LRRC7: variants seen among roughly 807,000 people sequenced by gnomAD.
LRRC7 encodes the protein leucine rich repeat containing 7, also known as leucine-rich repeat-containing protein 7.
A neutral mutation model predicts 175.7 loss-of-function variants in LRRC7; 23 were observed. The observed-to-expected ratio is 0.13, with a 90% CI of 0.09 to 0.19. The LOEUF (loss-of-function observed/expected upper bound fraction) is 0.19. Among genes scored for constraint, LRRC7 ranks in the 10% least tolerant of loss-of-function variants. The probability of loss-of-function intolerance (pLI) is 1.00; values close to 1 mark genes in which losing one functional copy is unlikely to be tolerated. For missense variants in LRRC7, 1,354 were observed against 1,904.7 expected (o/e 0.71, Z 5.38); for synonymous variants, 685 against 680.9 (o/e 1.01, Z -0.09).
chr1:69,882,502 T>A (rs1158803685), intron 7 of LRRC7, among the ~76,000 whole-genome samples: 1 of 152,154 alleles, frequency 6.6e-6, no homozygotes, highest in Non-Finnish European at 1.5e-5. Context: ...GCATTATATA[T>A]GTACATACCT....
chr1:70,024,472 A>C (rs1348214760), intron 17 of LRRC7, among the ~76,000 whole-genome samples: 1 of 151,972 alleles, frequency 6.6e-6, no homozygotes, highest in Non-Finnish European at 1.5e-5. Context: ...GATACAAAGA[A>C]TGTTGCGAAA....
chr1:70,088,658 G>T (rs188400260), intron 24 of LRRC7, among the ~76,000 whole-genome samples: 1 of 152,014 alleles, frequency 6.6e-6, no homozygotes, highest in East Asian at 1.9e-4. Context: ...TCAATTATTT[G>T]GGATCACCCT....
intron 1 of LRRC7, among the ~76,000 whole-genome samples, chr1:69,624,018 G>A (rs1301399502): frequency 2.6e-5 from 4 of 151,998 alleles, no homozygotes; most frequent in Non-Finnish European, 5.9e-5. Flanking sequence ...GTGTACATGT[G>A]CACACATTTC....
chr1:69,688,146 A>G (rs1038676764), intron 2 of LRRC7, among the ~76,000 whole-genome samples: 5 of 152,248 alleles, frequency 3.3e-5, no homozygotes, highest in African/African-American at 1.2e-4. Flanking sequence ...ACATGTGCCA[A>G]TGAATCTGGG....
At chr1:69,648,585 C>T (rs1655335746) in intron 1 of LRRC7, among the ~76,000 whole-genome samples, 1 of 152,196 alleles carries the variant, frequency 6.6e-6, no homozygotes, top group Non-Finnish European at 1.5e-5. Context: ...GCAGCAGCTA[C>T]ATATCCTCCA....
intron 21 of LRRC7, among the ~76,000 whole-genome samples, chr1:70,040,482 G>GTA (rs1659783122): frequency 6.6e-6 from 1 of 152,114 alleles, no homozygotes; most frequent in African/African-American, 2.4e-5. Flanking sequence ...AAATTAGTAT[G>GTA]TATATTGCAG....
intron 7 of LRRC7, among the ~76,000 whole-genome samples, chr1:69,906,503 T>G (rs1328780845): frequency 1.3e-5 from 2 of 152,202 alleles, no homozygotes; most frequent in Non-Finnish European, 2.9e-5. Context: ...CCAGCACCAT[T>G]TATTAAACAG....
At chr1:69,937,654 A>G (rs1415196277) in intron 8 of LRRC7, among the ~76,000 whole-genome samples, 2 of 152,042 alleles carry the variant, frequency 1.3e-5, no homozygotes, top group East Asian at 1.9e-4. Context: ...TTGGAAAATT[A>G]TCAGCCCTGT....
At chr1:70,041,652 A>G (rs1659904688) in intron 21 of LRRC7, among the ~76,000 whole-genome samples, 1 of 152,260 alleles carries the variant, frequency 6.6e-6, no homozygotes, top group African/African-American at 2.4e-5. Context: ...AAGAAAGGTT[A>G]TAAGAAGCTT....
chr1:70,000,228 T>C (rs1655398212), intron 11 of LRRC7, among the ~76,000 whole-genome samples: 1 of 152,214 alleles, frequency 6.6e-6, no homozygotes. Flanking sequence ...GTCATGCCAA[T>C]AGTTGACCAC....
chr1:69,729,754 A>C (rs1297446096), intron 2 of LRRC7, among the ~76,000 whole-genome samples: 1 of 152,180 alleles, frequency 6.6e-6, no homozygotes, highest in Non-Finnish European at 1.5e-5. Context: ...TCTGGAGGAC[A>C]GTGGCCCACT....
rs1666480736 is a variant in LRRC7 at position 70,127,024 on chromosome 1, G to A, written c.*5137G>A. On this transcript the variant is annotated 3_prime_UTR_variant, in exon 27 of 27. Transcript: ENST00000651989. Reference sequence around the variant, plus strand: ...CGGAGAGCCTTGAGTATCAACAGATGGTTACAGCTCCCAATTTGGGAGGAA... The same window carrying A: ...CGGAGAGCCTTGAGTATCAACAGATAGTTACAGCTCCCAATTTGGGAGGAA... 6.6e-6 allele frequency among the ~76,000 whole-genome samples: 1 copy of A among 152,138 alleles called. No homozygotes were observed. Among genetic ancestry groups the A allele is most frequent in the Admixed American group, 6.5e-5 (1 of 15,276 alleles).
chr1:69,606,101 C>T (rs1647515136), intron 1 of LRRC7, among the ~76,000 whole-genome samples: 1 of 152,038 alleles, frequency 6.6e-6, no homozygotes, highest in Non-Finnish European at 1.5e-5. Context: ...GAACTAATTC[C>T]CTTTCATGCA....
At chr1:69,580,354 T>C (rs889744013) in intron 1 of LRRC7, among the ~76,000 whole-genome samples, 3 of 152,148 alleles carry the variant, frequency 2.0e-5, no homozygotes, top group South Asian at 2.1e-4. Context: ...AAAACTATTA[T>C]TTAATACATA....
chr1:69,917,196 A>G (rs1646745646), intron 7 of LRRC7, among the ~76,000 whole-genome samples: 1 of 152,198 alleles, frequency 6.6e-6, no homozygotes, highest in African/African-American at 2.4e-5. Context: ...GTTCAGAGGG[A>G]TGAAGTTCAA....
intron 7 of LRRC7, among the ~76,000 whole-genome samples, chr1:69,850,916 AAG>A (rs1386075229): frequency 6.6e-6 from 1 of 152,090 alleles, no homozygotes; most frequent in Non-Finnish European, 1.5e-5. Flanking sequence ...AAACTCTTTG[AAG>A]TTATTGAGGG....
intron 7 of LRRC7, among the ~76,000 whole-genome samples, chr1:69,863,253 G>A (rs1001598172): frequency 6.6e-6 from 1 of 152,126 alleles, no homozygotes; most frequent in Non-Finnish European, 1.5e-5. Flanking sequence ...ACTGCAAAAG[G>A]TCTTTGATGA....
chr1:69,667,294 A>G (rs1557571210), intron 1 of LRRC7, among the ~76,000 whole-genome samples: 2 of 148,446 alleles, frequency 1.3e-5, no homozygotes, highest in Non-Finnish European at 2.9e-5. Flanking sequence ...CTTGGATGAA[A>G]TGTTCTGTAA....
chr1:69,680,680 A>ATT (rs765359448), intron 2 of LRRC7, among the ~76,000 whole-genome samples: 3 of 145,866 alleles, frequency 2.1e-5, no homozygotes, highest in African/African-American at 2.5e-5. Context: ...AAAAGCCACA[A>ATT]TTTTTTTTTT....
Sources: gnomAD v4.1 joint callset for allele counts (sites outside exome capture counted in the v4.1 genomes callset) on GRCh38, gnomAD v4.1.1 for gene constraint, MANE v1.5 for transcripts, NCBI Gene and HGNC (gene_info 2026-07-23, HGNC 2026-07-21) for gene names.